KLHL32: variants seen among roughly 807,000 people sequenced by gnomAD.
KLHL32 encodes kelch-like protein 32.
KLHL32 carries 35 observed loss-of-function variants against 64.8 expected under a neutral mutation model. That is an observed-to-expected ratio of 0.54 (90% CI 0.41 to 0.72). The LOEUF is 0.72. Among genes scored for constraint, KLHL32 ranks in the 30% least tolerant of loss-of-function variants. The pLI is 0.00. For synonymous variants in KLHL32, 259 were observed against 281.0 expected (o/e 0.92, Z 0.78); for missense variants, 589 against 768.5 (o/e 0.77, Z 2.76).
At chr6:96,960,887 C>T (rs1197093238) in intron 1 of KLHL32, among the ~76,000 whole-genome samples, 1 of 152,104 alleles carries the variant, frequency 6.6e-6, no homozygotes, top group African/African-American at 2.4e-5. Flanking sequence ...GTCTAAAGAC[C>T]TAGAATCAAC....
chr6:97,132,806 G>A (rs1484408665), intron 10 of KLHL32, 59 bp downstream of exon 10: 3 of 1,167,222 alleles, frequency 2.6e-6, no homozygotes, highest in Non-Finnish European at 3.7e-6. Context: ...GTTACATTTT[G>A]CAATGCTGCT....
intron 3 of KLHL32, among the ~76,000 whole-genome samples, chr6:96,979,823 T>C (rs879492261): frequency 2.6e-5 from 4 of 152,202 alleles, no homozygotes; most frequent in Admixed American, 2.6e-4. Flanking sequence ...GTTGGTATCA[T>C]CGCTAATTTC....
At chr6:97,078,265 T>C (rs1280646967) in intron 5 of KLHL32, among the ~76,000 whole-genome samples, 1 of 152,180 alleles carries the variant, frequency 6.6e-6, no homozygotes, top group Admixed American at 6.5e-5. Flanking sequence ...TGATATAAAA[T>C]CAACATTTTA....
chr6:96,999,130 T>C (rs1778729087), intron 3 of KLHL32, among the ~76,000 whole-genome samples: 1 of 152,184 alleles, frequency 6.6e-6, no homozygotes, highest in Non-Finnish European at 1.5e-5. Context: ...GCATGGATAC[T>C]CATGCCTGTA....
chr6:96,900,981 T>C, the KLHL32 span, among the ~76,000 whole-genome samples: 6 of 152,320 alleles, frequency 3.9e-5, no homozygotes, highest in East Asian at 1.2e-3. Context: ...GTTTTGGGTC[T>C]GTAAAACCTA....
chr6:96,959,051 C>T (rs1773596566), intron 1 of KLHL32, among the ~76,000 whole-genome samples: 1 of 152,184 alleles, frequency 6.6e-6, no homozygotes, highest in African/African-American at 2.4e-5. Flanking sequence ...TTGAAAGCAA[C>T]TTCCCAGAGA....
At chr6:96,912,701 T>C in the KLHL32 span, among the ~76,000 whole-genome samples, 1 of 152,152 alleles carries the variant, frequency 6.6e-6, no homozygotes, top group South Asian at 2.1e-4. Flanking sequence ...ACTCAATAAG[T>C]ATTAGCTATT....
At chr6:97,092,528 CCTT>C (rs1309415068) in intron 6 of KLHL32, among the ~76,000 whole-genome samples, 2 of 152,110 alleles carry the variant, frequency 1.3e-5, no homozygotes, top group African/African-American at 4.8e-5. Context: ...ATCTCCATTT[CCTT>C]CTTCTTAGAT....
At chr6:96,952,910 G>A (rs1772804532) in intron 1 of KLHL32, among the ~76,000 whole-genome samples, 1 of 152,082 alleles carries the variant, frequency 6.6e-6, no homozygotes, top group African/African-American at 2.4e-5. Flanking sequence ...CCCACCCAGA[G>A]GCTGTCCCAG....
At chr6:97,125,778 A>G (rs1407283906) in intron 7 of KLHL32, among the ~76,000 whole-genome samples, 1 of 152,208 alleles carries the variant, frequency 6.6e-6, no homozygotes, top group Non-Finnish European at 1.5e-5. Flanking sequence ...CTCTGTCTCA[A>G]AAAAGAAAAA....
intron 4 of KLHL32, among the ~76,000 whole-genome samples, chr6:97,048,831 C>T (rs1221199171): frequency 6.6e-6 from 1 of 152,150 alleles, no homozygotes; most frequent in Non-Finnish European, 1.5e-5. Context: ...ATAAATATAA[C>T]CCAATTGAGC....
intron 3 of KLHL32, among the ~76,000 whole-genome samples, chr6:97,020,984 G>T (rs1562250857): frequency 6.6e-6 from 1 of 150,676 alleles, no homozygotes; most frequent in Non-Finnish European, 1.5e-5. Context: ...ATTATATAGG[G>T]TAGTATATAT....
chr6:96,966,119 T>C (rs2128032094), intron 1 of KLHL32, among the ~76,000 whole-genome samples: 1 of 152,212 alleles, frequency 6.6e-6, no homozygotes, highest in East Asian at 1.9e-4. Context: ...TCATAAGCAC[T>C]TTCCTCCTGT....
upstream of KLHL32, among the ~76,000 whole-genome samples, chr6:96,920,619 C>T (rs1236870108): frequency 1.3e-5 from 2 of 152,122 alleles, no homozygotes; most frequent in Non-Finnish European, 2.9e-5. Flanking sequence ...TCTACTTTTA[C>T]ACAAACTGCA....
intron 7 of KLHL32, among the ~76,000 whole-genome samples, chr6:97,119,182 G>C (rs975742186): frequency 1.3e-5 from 2 of 152,150 alleles, no homozygotes; most frequent in Non-Finnish European, 2.9e-5. Context: ...AGGACAATTA[G>C]CAGGAGGGCT....
intron 6 of KLHL32, among the ~76,000 whole-genome samples, chr6:97,087,582 G>A (rs547820881): frequency 2.0e-5 from 3 of 152,304 alleles, no homozygotes; most frequent in Admixed American, 1.3e-4. Context: ...GTGTTGGGGA[G>A]GAGAAAGGAA....
intron 5 of KLHL32, among the ~76,000 whole-genome samples, chr6:97,084,358 G>T (rs1793067232): frequency 6.6e-6 from 1 of 152,264 alleles, no homozygotes; most frequent in East Asian, 1.9e-4. Context: ...AGTGGAAGCT[G>T]TGGCTCTCTG....
In KLHL32 at chr6:97,002,537, G is replaced by A. The variant is rs147706092; in HGVS notation, c.204+26360G>A. 5.8e-4 allele frequency among the ~76,000 whole-genome samples: 89 copies of A among 152,206 alleles called. 3 individuals carry two copies. The East Asian group carries it at 8.9e-3, about 15-fold the overall frequency. On this transcript the variant is annotated intron_variant, in intron 3 of 10. Coordinates refer to ENST00000369261, the MANE Select transcript of KLHL32 (RefSeq NM_052904.4). ...GGTTTGTTATATAGGTAAATTGTGC[G>A]TCATAGGAGTTTGGTGTACAGATTA...
rs549792972 is a variant in KLHL32, at chr6:97,129,699, T to C, written c.1414-1058T>C. Among the ~76,000 whole-genome samples, 5 of 152,214 alleles carry C rather than the reference T, an allele frequency of 3.3e-5. No individual in the cohort carries two copies. The East Asian group carries it at 9.7e-4, about 29-fold the overall frequency. The stretch of plus-strand genomic sequence containing the variant: ...GAGTTTGTGACCAGCCTGGCCAACA[T>C]GGTGAAACCCCGTCTTCACTAAAAA... On this transcript the variant is annotated intron_variant, in intron 8 of 10. Transcript: ENST00000369261.
Sources: allele counts gnomAD v4.1 joint callset (sites outside exome capture counted in the v4.1 genomes callset), GRCh38; gene constraint gnomAD v4.1.1; transcripts MANE v1.5; gene names NCBI Gene and HGNC (gene_info 2026-07-23, HGNC 2026-07-21).